The following KIF16B variants were observed in gnomAD, a reference collection of about 807,000 sequenced individuals.
KIF16B encodes the protein kinesin-like protein KIF16B.
KIF16B carries 98 observed loss-of-function variants against 156.3 expected under a neutral mutation model. The ratio of observed to expected loss-of-function variants is 0.63; its 90% CI spans 0.53 to 0.74. The LOEUF (loss-of-function observed/expected upper bound fraction) is 0.74. KIF16B is among the 30% of genes least tolerant of loss of function. The pLI is 0.00. For missense variants in KIF16B, 1,421 were observed against 1,606.5 expected, an observed-to-expected ratio of 0.88 and a Z score of 1.97; for synonymous variants, 564 against 583.7, an observed-to-expected ratio of 0.97 and a Z score of 0.49.
At chr20:16,430,646 T>C (rs1399867135) in intron 12 of KIF16B, among the ~76,000 whole-genome samples, 1 of 152,000 alleles carries the variant, frequency 6.6e-6, no homozygotes, top group African/African-American at 2.4e-5. Flanking sequence ...TCTTACTCTC[T>C]CTTGAACTCC....
At chr20:16,389,842 A>G (rs533453563) in intron 17 of KIF16B, among the ~76,000 whole-genome samples, 2 of 152,162 alleles carry the variant, frequency 1.3e-5, no homozygotes, top group Non-Finnish European at 2.9e-5. Context: ...CTCTTCATGG[A>G]AAGGCCTTGA....
At chr20:16,465,067 A>G (rs191528288) in intron 12 of KIF16B, among the ~76,000 whole-genome samples, 107 of 152,316 alleles carry the variant, frequency 7.0e-4, no homozygotes, top group African/African-American at 2.2e-3. Flanking sequence ...CATCTATTTA[A>G]ATATAAATAC....
At chr20:16,317,578 C>G (rs2063715877) in intron 24 of KIF16B, among the ~76,000 whole-genome samples, 1 of 152,152 alleles carries the variant, frequency 6.6e-6, no homozygotes, top group Non-Finnish European at 1.5e-5. Context: ...TCTGCAAAAC[C>G]ATAAAAATTG....
rs368343041 is a variant in KIF16B, at chr20:16,398,584, C to T, written c.1784+6229G>A. Among the ~76,000 whole-genome samples the T allele has an allele frequency of 3.3e-5, 5 of 152,308 alleles. No individual in the cohort carries two copies. In the East Asian group the frequency reaches 7.7e-4, roughly 24 times the overall value. ...TGCAACATTTGCTGCTCCTCATGTA[C>T]TGACCACATTGTCCATTTAAGGAAA... On this transcript the variant is annotated intron_variant, in intron 17 of 25. Coordinates refer to ENST00000354981, the MANE Select transcript of KIF16B (RefSeq NM_024704.5).
intron 12 of KIF16B, among the ~76,000 whole-genome samples, chr20:16,477,899 G>A (rs1445317612): frequency 1.3e-5 from 2 of 152,226 alleles, no homozygotes; most frequent in Non-Finnish European, 2.9e-5. Flanking sequence ...ACTCAACAAG[G>A]AAGAGAGAAA....
Position 16,504,460 on chromosome 20 carries a change from G to A in KIF16B, c.1088C>T (p.Thr363Ile). The A allele has an allele frequency of 6.2e-7, 1 of 1,614,094 alleles. No homozygotes were observed. Among genetic ancestry groups the A allele is most frequent in the Non-Finnish European group, 8.5e-7 (1 of 1,179,962 alleles). Reference protein sequence around the residue: ...NRAKNIINKPTINEDANVKLI... With the variant: ...NRAKNIINKPIINEDANVKLI... ...TTTGACGTTGGCATCCTCATTAATG[G>A]TAGGCTTGTTGATGATGTTTTTGGC... Residue 363 changes from threonine (T) to isoleucine (I), a missense_variant, in exon 10 of 26, where the codon ACC (threonine) becomes ATC (isoleucine). Physicochemically the swap from Thr to Ile is moderately conservative, Grantham distance 89. Coordinates refer to ENST00000354981, the MANE Select transcript of KIF16B (RefSeq NM_024704.5).
chr20:16,467,149 C>G (rs2067513993), intron 12 of KIF16B, among the ~76,000 whole-genome samples: 1 of 152,172 alleles, frequency 6.6e-6, no homozygotes, highest in Admixed American at 6.5e-5. Flanking sequence ...GAAAATAACC[C>G]AACTTCAGCT....
chr20:16,327,383 G>A (rs1001175329), intron 24 of KIF16B, among the ~76,000 whole-genome samples: 3 of 151,760 alleles, frequency 2.0e-5, no homozygotes, highest in Middle Eastern at 3.4e-3. Flanking sequence ...CTCAGAAATC[G>A]CCACTAACCA....
intron 25 of KIF16B, among the ~76,000 whole-genome samples, chr20:16,279,951 G>A (rs900639861): frequency 5.3e-5 from 8 of 152,128 alleles, no homozygotes; most frequent in Non-Finnish European, 1.2e-4. Flanking sequence ...GCTTTAGCAT[G>A]GCACCTCAAT....
At chr20:16,366,755 C>A (rs2064675471) in intron 22 of KIF16B, 1 of 883,990 alleles carries the variant, frequency 1.1e-6, no homozygotes, top group Non-Finnish European at 1.4e-6. Context: ...AGACTGGGCA[C>A]TTTTTCAGGC....
intron 15 of KIF16B, among the ~76,000 whole-genome samples, chr20:16,409,175 C>A (rs1448950388): frequency 6.6e-6 from 1 of 152,048 alleles, no homozygotes; most frequent in Non-Finnish European, 1.5e-5. Flanking sequence ...AGAAGGATAT[C>A]TTCAAGGGAG....
rs148627848 is a variant in KIF16B, at chr20:16,567,963, A to G, written c.47+5266T>C. ...CGAGACTTCGTCTCAAAAAAAAGAA[A>G]TAAGTGTAGTACCTGGTACCTGGCA... On this transcript the variant is annotated intron_variant, in intron 1 of 25. Coordinates refer to ENST00000354981, the MANE Select transcript of KIF16B (RefSeq NM_024704.5). 1.5e-3 allele frequency among the ~76,000 whole-genome samples: 228 copies of G among 152,340 alleles called. 3 individuals are homozygous for G. Among genetic ancestry groups the G allele is most frequent in the African/African-American group, 4.9e-3 (204 of 41,578 alleles).
chr20:16,494,167 T>C (rs929691877), intron 12 of KIF16B, 124 bp downstream of exon 12: 1 of 633,142 alleles, frequency 1.6e-6, no homozygotes, highest in Non-Finnish European at 2.8e-6. Flanking sequence ...AGTCACTAAT[T>C]GGTTCCAGTG....
chr20:16,488,934 C>G (rs2068203894), intron 12 of KIF16B, among the ~76,000 whole-genome samples: 1 of 152,204 alleles, frequency 6.6e-6, no homozygotes, highest in Non-Finnish European at 1.5e-5. Context: ...GTGGAACACA[C>G]TTGGGTATCA....
In KIF16B at chr20:16,380,063, C is replaced by A. The variant is rs780730892; in HGVS notation, c.1939G>T (p.Val647Leu). Residue 647 changes from valine (V) to leucine (L), a missense_variant, in exon 19 of 26, where the codon GTG becomes TTG. Coordinates refer to ENST00000354981, the MANE Select transcript of KIF16B (RefSeq NM_024704.5). ...VETQRKETEI[V>L]QLQIRKQEES... ...TCCTGCTTGCGAATCTGGAGCTGCA[C>A]GATTTCTGTCTCCTTGCGCTGGGTC... The A allele has an allele frequency of 3.2e-6, 5 of 1,556,148 alleles. No individual in the cohort carries two copies. The highest frequency in any genetic ancestry group is 4.3e-6 in the Non-Finnish European group (5 of 1,156,100).
intron 1 of KIF16B, among the ~76,000 whole-genome samples, chr20:16,564,661 A>G (rs2071187642): frequency 7.3e-6 from 1 of 137,074 alleles, no homozygotes; most frequent in African/African-American, 2.9e-5. Flanking sequence ...CTTAAAGTAT[A>G]ATAAAAAAAA....
At chr20:16,561,546 T>C (rs974361057) in intron 1 of KIF16B, among the ~76,000 whole-genome samples, 2 of 152,150 alleles carry the variant, frequency 1.3e-5, no homozygotes, top group Non-Finnish European at 2.9e-5. Flanking sequence ...AGGGGAAAAT[T>C]CTTTTGCAAA....
intron 1 of KIF16B, among the ~76,000 whole-genome samples, chr20:16,557,586 T>C (rs989960818): frequency 6.6e-6 from 1 of 152,132 alleles, no homozygotes; most frequent in African/African-American, 2.4e-5. Context: ...AGAAGAAGAA[T>C]CTGAGGCTCA....
At chr20:16,313,084 T>A (rs2063645368) in intron 24 of KIF16B, among the ~76,000 whole-genome samples, 1 of 152,180 alleles carries the variant, frequency 6.6e-6, no homozygotes. Context: ...TTATAAACAA[T>A]AAGTTTTACT....
Sources: gnomAD v4.1 joint callset for allele counts (sites outside exome capture counted in the v4.1 genomes callset) on GRCh38, gnomAD v4.1.1 for gene constraint, MANE v1.5 for transcripts, NCBI Gene and HGNC (gene_info 2026-07-23, HGNC 2026-07-21) for gene names.